The following TPGS2 variants were observed in gnomAD, a reference collection of about 807,000 sequenced individuals.
TPGS2 encodes polyglutamylase subunit 2.
TPGS2 carries 26 observed loss-of-function variants against 31.1 expected under a neutral mutation model. That is an observed-to-expected ratio of 0.84 (90% CI 0.61 to 1.16). TPGS2 has a LOEUF of 1.16. Among genes scored for constraint, TPGS2 ranks in the 50% most tolerant of loss-of-function variants. The pLI, the probability that TPGS2 is intolerant of heterozygous loss-of-function variation, is 0.00. For missense variants in TPGS2, 351 were observed against 363.8 expected (o/e 0.96, Z 0.29); for synonymous variants, 130 against 136.6 (o/e 0.95, Z 0.34).
rs189201006 is a variant in TPGS2, at chr18:36,824,143, A to C, written c.85+4540T>G. ...TGGAATCATACATGTGGCTTTTGCA[A>C]CTGGCTTCTCTCACTTTCATTTCAA... On this transcript the variant is annotated intron_variant, in intron 1 of 6. Coordinates refer to ENST00000334295, the MANE Select transcript of TPGS2 (RefSeq NM_015476.4). 1.9e-3 allele frequency among the ~76,000 whole-genome samples: 285 copies of C among 152,332 alleles called. 1 individual carries two copies. The highest frequency in any genetic ancestry group is 2.3e-3 in the Non-Finnish European group (156 of 68,032).
chr18:36,813,073 C>A (rs974420932), intron 2 of TPGS2, among the ~76,000 whole-genome samples: 4 of 152,216 alleles, frequency 2.6e-5, no homozygotes, highest in Non-Finnish European at 5.9e-5. Context: ...CAACTGTCTA[C>A]CTCAGGACTT....
chr18:36,814,836 AAGG>A (rs2045585010), intron 2 of TPGS2, among the ~76,000 whole-genome samples: 1 of 152,198 alleles, frequency 6.6e-6, no homozygotes, highest in Admixed American at 6.5e-5. Flanking sequence ...AGAGCTCTTT[AAGG>A]AGAAGACTTT....
chr18:36,814,147 G>A (rs369769543), intron 2 of TPGS2, among the ~76,000 whole-genome samples: 37 of 152,312 alleles, frequency 2.4e-4, no homozygotes, highest in African/African-American at 7.9e-4. Context: ...TTGTAAAGCC[G>A]TCTGCAACTA....
chr18:36,798,754 C>A, intron 5 of TPGS2, 145 bp from the exon 6 acceptor site: 1 of 1,304,718 alleles, frequency 7.7e-7, no homozygotes, highest in Non-Finnish European at 1.0e-6. Flanking sequence ...CCCTTCTGCC[C>A]CACTTCTAAC....
intron 6 of TPGS2, among the ~76,000 whole-genome samples, chr18:36,786,044 CT>C (rs35710977): frequency 1.3e-5 from 2 of 152,054 alleles, no homozygotes; most frequent in African/African-American, 4.8e-5. Context: ...GGGGTGGAGA[CT>C]TTTAAATGTA....
chr18:36,784,639 ATAT>A (rs1438058126), intron 6 of TPGS2, among the ~76,000 whole-genome samples: 2 of 152,200 alleles, frequency 1.3e-5, no homozygotes, highest in Non-Finnish European at 2.9e-5. Context: ...AATAGCTAAA[ATAT>A]TATTTATTGA....
At chr18:36,804,250 T>C (rs1347658019) in intron 4 of TPGS2, among the ~76,000 whole-genome samples, 1 of 152,230 alleles carries the variant, frequency 6.6e-6, no homozygotes, top group Non-Finnish European at 1.5e-5. Flanking sequence ...TATCCTAAAA[T>C]GCATGAATCT....
At chr18:36,823,911 G>C in intron 1 of TPGS2, 5 of 967,278 alleles carry the variant, frequency 5.2e-6, no homozygotes, top group Non-Finnish European at 6.1e-6. Flanking sequence ...ACCGTGTTTA[G>C]AATTCCTTTT....
chr18:36,793,300 G>A (rs557147823), downstream of TPGS2, among the ~76,000 whole-genome samples: 1 of 152,312 alleles, frequency 6.6e-6, no homozygotes, highest in South Asian at 2.1e-4. Flanking sequence ...TCCCCTGTGA[G>A]CAGAGAACTC....
intron 1 of TPGS2, among the ~76,000 whole-genome samples, chr18:36,823,434 CTCTCTGACTTCCTTGTTAACAGCTTGT>C (rs1461864889): frequency 6.7e-6 from 1 of 149,976 alleles, no homozygotes; most frequent in Non-Finnish European, 1.5e-5. Context: ...TACCTCAAAT[CTCTCTGACTTCCTTGTTAACAGCTTGT>C]TTTTTTTTTT....
intron 2 of TPGS2, among the ~76,000 whole-genome samples, chr18:36,808,742 T>C (rs2045286733): frequency 6.6e-6 from 1 of 152,126 alleles, no homozygotes; most frequent in African/African-American, 2.4e-5. Context: ...ATATTTCACA[T>C]ATCCATGGAT....
intron 2 of TPGS2, 145 bp downstream of exon 2, chr18:36,818,749 G>A: frequency 1.4e-6 from 1 of 710,496 alleles, no homozygotes; most frequent in Non-Finnish European, 2.3e-6. Flanking sequence ...TAAGTGGGCT[G>A]AACAGGAACA....
downstream of TPGS2, among the ~76,000 whole-genome samples, chr18:36,781,110 G>T (rs545540920): frequency 6.6e-6 from 1 of 152,086 alleles, no homozygotes; most frequent in Admixed American, 6.5e-5. Context: ...CTTTTCAAGC[G>T]CAGGTCATCA....
chr18:36,816,134 A>C (rs2045644349), intron 2 of TPGS2, among the ~76,000 whole-genome samples: 1 of 152,204 alleles, frequency 6.6e-6, no homozygotes, highest in African/African-American at 2.4e-5. Flanking sequence ...TCTGAAGAAA[A>C]TGTTCCATTA....
At chr18:36,785,234 G>T (rs573901009) in intron 6 of TPGS2, among the ~76,000 whole-genome samples, 1 of 152,322 alleles carries the variant, frequency 6.6e-6, no homozygotes, top group African/African-American at 2.4e-5. Context: ...GGGAGGCAGA[G>T]GTTGCAGTGA....
chr18:36,795,955 T>TAAG lies in TPGS2; in HGVS notation c.*847_*849dup. The TAAG allele has an allele frequency of 1.0e-6, 1 of 985,448 alleles. No homozygotes were observed. The highest frequency in any genetic ancestry group is 1.2e-6 in the Non-Finnish European group (1 of 829,930). The allele number at this position is 985,448 out of a possible 1,614,324, so 61.0% of individuals were successfully genotyped here. ...TTGGGAATTTTTTGTTTTTAAATGG[T>TAAG]AAGAATAAAGTATAGCAGAAGTACA... On this transcript the variant is annotated 3_prime_UTR_variant, in exon 7 of 7. Coordinates refer to ENST00000334295, the MANE Select transcript of TPGS2 (RefSeq NM_015476.4).
At position 36,795,583 on chromosome 18, in the gene TPGS2, A is replaced by C. The variant is rs1464943803; in HGVS notation, c.*1222T>G. 1.0e-6 allele frequency: 1 copy of C among 985,354 alleles called. No individual in the cohort carries two copies. The highest frequency in any genetic ancestry group is 1.1e-4 in the East Asian group (1 of 8,832). The allele number at this position is 985,354 out of a possible 1,614,324, so 61.0% of individuals were successfully genotyped here. ...AGGGAGGAAATAAATAGGCATTCCT[A>C]ATTGAAAATCTGAGCAACCTTCTCT... On this transcript the variant is annotated 3_prime_UTR_variant, in exon 7 of 7. Coordinates refer to ENST00000334295, the MANE Select transcript of TPGS2 (RefSeq NM_015476.4).
intron 6 of TPGS2, chr18:36,787,194 G>A (rs2044153782): frequency 8.9e-7 from 1 of 1,123,010 alleles, no homozygotes. Flanking sequence ...GGTAATAGGG[G>A]GCCTTGTGTT....
chr18:36,806,139 T>C (rs550945831), intron 3 of TPGS2: 2 of 152,172 alleles, frequency 1.3e-5, no homozygotes, highest in East Asian at 1.9e-4. Flanking sequence ...GTAAAGACCA[T>C]GGAATGTCTA....
Sources: gnomAD v4.1 joint callset for allele counts (sites outside exome capture counted in the v4.1 genomes callset) on GRCh38, gnomAD v4.1.1 for gene constraint, MANE v1.5 for transcripts, NCBI Gene and HGNC (gene_info 2026-07-23, HGNC 2026-07-21) for gene names.